MSRA: variants seen among roughly 807,000 people sequenced by gnomAD.
MSRA encodes the protein methionine sulfoxide reductase A.
A neutral mutation model predicts 31.3 loss-of-function variants in MSRA; 54 were observed. The ratio of observed to expected loss-of-function variants is 1.73; its 90% confidence interval spans 1.39 to 2.17. The LOEUF is 2.17. Among genes scored for constraint, MSRA ranks in the 30% most tolerant of loss-of-function variants. The probability of loss-of-function intolerance (pLI) is 0.00; values close to 1 mark genes in which losing one functional copy is unlikely to be tolerated. For synonymous variants in MSRA, 169 were observed against 116.5 expected, an observed-to-expected ratio of 1.45 and a Z score of -2.90; for missense variants, 507 against 300.9, an observed-to-expected ratio of 1.69 and a Z score of -5.07.
rs555263566 is a variant in MSRA at position 10,320,846 on chromosome 8, C to T, written c.543+857C>T. 2.4e-4 allele frequency among the ~76,000 whole-genome samples: 36 copies of T among 152,248 alleles called. No individual in the cohort carries two copies. The South Asian group carries it at 3.1e-3, about 13-fold the overall frequency. On this transcript the variant is annotated intron_variant, in intron 5 of 5. Coordinates refer to ENST00000317173, the MANE Select transcript of MSRA (RefSeq NM_012331.5). ...ATTCACATCAGCCTAGTTTTATGTGCGTGTGTTTCTTTGTCCAAGCTTCTT... is the reference window on the plus strand; with the variant it reads ...ATTCACATCAGCCTAGTTTTATGTGTGTGTGTTTCTTTGTCCAAGCTTCTT...
At chr8:10,288,416 T>G (rs1203948158) in intron 3 of MSRA, among the ~76,000 whole-genome samples, 1 of 152,218 alleles carries the variant, frequency 6.6e-6, no homozygotes, top group African/African-American at 2.4e-5. Context: ...ATCAGGTGGT[T>G]TGGTGCTGTG....
intron 5 of MSRA, among the ~76,000 whole-genome samples, chr8:10,389,106 C>T (rs144365855): frequency 9.2e-5 from 14 of 152,226 alleles, no homozygotes; most frequent in South Asian, 8.3e-4. Flanking sequence ...ACAAAAAATT[C>T]GTAACCTCCG....
intron 5 of MSRA, among the ~76,000 whole-genome samples, chr8:10,389,951 C>T (rs1219472091): frequency 6.6e-6 from 1 of 152,176 alleles, no homozygotes; most frequent in East Asian, 1.9e-4. Flanking sequence ...TTTTGACCCA[C>T]CTGAGCCCAC....
chr8:10,295,878 G>T (rs1281053913), intron 3 of MSRA, among the ~76,000 whole-genome samples: 1 of 152,274 alleles, frequency 6.6e-6, no homozygotes, highest in East Asian at 1.9e-4. Flanking sequence ...ATGGGAAACG[G>T]CCTCTCCAGG....
intron 3 of MSRA, among the ~76,000 whole-genome samples, chr8:10,266,314 G>T: frequency 6.6e-6 from 1 of 152,106 alleles, no homozygotes; most frequent in East Asian, 1.9e-4. Flanking sequence ...GTATCCTACT[G>T]TGTTTTTCAC....
intron 1 of MSRA, among the ~76,000 whole-genome samples, chr8:10,103,412 G>A (rs1799663655): frequency 6.6e-6 from 1 of 152,178 alleles, no homozygotes; most frequent in Non-Finnish European, 1.5e-5. Flanking sequence ...AGCATTGACA[G>A]TGAGATCCCA....
At chr8:10,175,197 C>A in intron 1 of MSRA, among the ~76,000 whole-genome samples, 1 of 152,144 alleles carries the variant, frequency 6.6e-6, no homozygotes, top group Non-Finnish European at 1.5e-5. Flanking sequence ...ACGATGGTCA[C>A]ACTGCATCCC....
At chr8:10,426,333 G>A (rs183361069) in intron 5 of MSRA, among the ~76,000 whole-genome samples, 2 of 152,324 alleles carry the variant, frequency 1.3e-5, no homozygotes, top group East Asian at 1.9e-4. Flanking sequence ...TTACAGAATC[G>A]TTAGCAGGGC....
chr8:10,123,929 A>G (rs575019744), intron 1 of MSRA, among the ~76,000 whole-genome samples: 3 of 151,730 alleles, frequency 2.0e-5, no homozygotes, highest in East Asian at 2.0e-4. Context: ...CAGTGGTGCA[A>G]TCGCAGCTCA....
chr8:10,327,835 AG>A (rs1295817078), intron 5 of MSRA, among the ~76,000 whole-genome samples: 1 of 152,074 alleles, frequency 6.6e-6, no homozygotes, highest in Non-Finnish European at 1.5e-5. Flanking sequence ...CATGAGGCTG[AG>A]GCAGGAGAAT....
intron 1 of MSRA, among the ~76,000 whole-genome samples, chr8:10,083,302 A>G (rs994541543): frequency 2.6e-5 from 4 of 152,240 alleles, no homozygotes; most frequent in Non-Finnish European, 5.9e-5. Flanking sequence ...TTTCTGGCTA[A>G]TATTCTAATT....
At chr8:10,217,590 G>A (rs554879445) in intron 2 of MSRA, among the ~76,000 whole-genome samples, 27 of 152,210 alleles carry the variant, frequency 1.8e-4, no homozygotes, top group African/African-American at 6.0e-4. Flanking sequence ...AGCCTTGCTC[G>A]CTCAGCTTCC....
At chr8:10,364,829 C>T (rs1461195194) in intron 5 of MSRA, among the ~76,000 whole-genome samples, 8 of 152,294 alleles carry the variant, frequency 5.3e-5, no homozygotes, top group South Asian at 2.1e-4. Flanking sequence ...TTTGGGAAAT[C>T]CCCGGATGTA....
At chr8:10,302,573 A>G (rs146872315) in intron 4 of MSRA, among the ~76,000 whole-genome samples, 3,116 of 152,356 alleles carry the variant, frequency 0.02, 50 homozygotes, top group Non-Finnish European at 0.032. Flanking sequence ...GTAGCAGCAC[A>G]GGTTGGTGGG....
chr8:10,060,579 C>T (rs1482587514), intron 1 of MSRA, among the ~76,000 whole-genome samples: 1 of 150,666 alleles, frequency 6.6e-6, no homozygotes, highest in African/African-American at 2.4e-5. Flanking sequence ...GATGATCTGT[C>T]TCGCTGTTTT....
At chr8:10,289,374 A>G (rs1800110941) in intron 3 of MSRA, among the ~76,000 whole-genome samples, 1 of 152,044 alleles carries the variant, frequency 6.6e-6, no homozygotes, top group Non-Finnish European at 1.5e-5. Flanking sequence ...GATGATAGGC[A>G]TATTATCTTG....
chr8:10,340,449 T>G (rs1269202689), intron 5 of MSRA, among the ~76,000 whole-genome samples: 1 of 152,252 alleles, frequency 6.6e-6, no homozygotes, highest in Non-Finnish European at 1.5e-5. Flanking sequence ...CTTGGCTCAC[T>G]GCAACCTTCG....
intron 1 of MSRA, among the ~76,000 whole-genome samples, chr8:10,123,100 A>G (rs892172420): frequency 5.3e-5 from 8 of 152,246 alleles, no homozygotes; most frequent in African/African-American, 1.4e-4. Flanking sequence ...TCTTCGAGGA[A>G]TTGCCACACT....
chr8:10,167,646 C>G (rs758772133), intron 1 of MSRA, among the ~76,000 whole-genome samples: 13 of 152,100 alleles, frequency 8.5e-5, no homozygotes, highest in African/African-American at 3.1e-4. Context: ...GAGGAGCGTA[C>G]TTAGCATCTT....
Sources: gnomAD v4.1 joint callset for allele counts (sites outside exome capture counted in the v4.1 genomes callset) on GRCh38, gnomAD v4.1.1 for gene constraint, MANE v1.5 for transcripts, NCBI Gene and HGNC (gene_info 2026-07-23, HGNC 2026-07-21) for gene names.